BMP5: variants seen among roughly 807,000 people sequenced by gnomAD.
BMP5 encodes the protein bone morphogenetic protein 5.
A neutral mutation model predicts 46.6 loss-of-function variants in BMP5; 23 were observed. That is an observed-to-expected ratio of 0.49 (90% confidence interval 0.35 to 0.70). The LOEUF is 0.70. BMP5 is among the 30% of genes least tolerant of loss of function. The pLI, the probability that BMP5 is intolerant of heterozygous loss-of-function variation, is 0.00. For missense variants in BMP5, 545 were observed against 565.6 expected (o/e 0.96, Z 0.37); for synonymous variants, 204 against 191.9 (o/e 1.06, Z -0.52).
intron 2 of BMP5, among the ~76,000 whole-genome samples, chr6:55,811,014 C>T (rs1776122883): frequency 1.3e-5 from 2 of 152,142 alleles, no homozygotes; most frequent in African/African-American, 4.8e-5. Flanking sequence ...GAGCATGATC[C>T]CCACACACTG....
chr6:55,808,505 T>A (rs1776045666), intron 2 of BMP5, among the ~76,000 whole-genome samples: 1 of 152,168 alleles, frequency 6.6e-6, no homozygotes, highest in African/African-American at 2.4e-5. Context: ...TGGTCACTCC[T>A]CCCTCTGTGA....
In BMP5 at chr6:55,796,516, A is replaced by G. The variant is rs1016943473; in HGVS notation, c.684-2089T>C. Among the ~76,000 whole-genome samples the G allele has an allele frequency of 4.7e-5, 7 of 149,530 alleles. No homozygotes were observed. In the East Asian group the frequency reaches 1.4e-3, roughly 29 times the overall value. ...ATTTTTTTTCTTTTTTTTTATTATT[A>G]TACTTTAAGTTTTAGGGTCCATGTG... On this transcript the variant is annotated intron_variant, in intron 2 of 6. Transcript: ENST00000370830.
intron 2 of BMP5, among the ~76,000 whole-genome samples, chr6:55,802,606 T>A (rs1255563778): frequency 6.6e-6 from 1 of 152,056 alleles, no homozygotes; most frequent in Non-Finnish European, 1.5e-5. Context: ...GATAGCATAG[T>A]AAAAGAAGGA....
chr6:55,814,608 T>G (rs1221240444), intron 2 of BMP5, among the ~76,000 whole-genome samples: 2 of 152,210 alleles, frequency 1.3e-5, no homozygotes, highest in Non-Finnish European at 2.9e-5. Flanking sequence ...ACCTGAAATA[T>G]TCTATAAGAC....
intron 6 of BMP5, among the ~76,000 whole-genome samples, chr6:55,757,395 G>C (rs529136657): frequency 9.9e-5 from 15 of 151,966 alleles, no homozygotes; most frequent in South Asian, 2.1e-4. Flanking sequence ...CAGAAAGACA[G>C]TGATCATGAA....
intron 3 of BMP5, among the ~76,000 whole-genome samples, chr6:55,775,330 G>C (rs1775150532): frequency 6.6e-6 from 1 of 151,642 alleles, no homozygotes; most frequent in African/African-American, 2.4e-5. Context: ...CCTACAGTTA[G>C]GTATTAATAG....
chr6:55,781,941 T>A (rs375503787), intron 3 of BMP5, among the ~76,000 whole-genome samples: 53 of 152,124 alleles, frequency 3.5e-4, no homozygotes, highest in African/African-American at 1.3e-3. Context: ...CAAATGATCA[T>A]AGGCTACTTC....
chr6:55,858,555 G>A (rs769154867), intron 1 of BMP5, among the ~76,000 whole-genome samples: 1 of 152,086 alleles, frequency 6.6e-6, no homozygotes, highest in African/African-American at 2.4e-5. Flanking sequence ...AGATTATCAA[G>A]AATGGAAATA....
chr6:55,866,945 A>G (rs551807859), intron 1 of BMP5, among the ~76,000 whole-genome samples: 1 of 152,224 alleles, frequency 6.6e-6, no homozygotes, highest in East Asian at 1.9e-4. Flanking sequence ...ATTAACATAT[A>G]TATCAGTAAC....
chr6:55,850,390 A>G (rs113199422), intron 1 of BMP5, among the ~76,000 whole-genome samples: 29 of 141,326 alleles, frequency 2.1e-4, no homozygotes, highest in African/African-American at 7.7e-4. Context: ...AGATAGATAG[A>G]TAGATCGATA....
chr6:55,774,293 A>C (rs1164184623), intron 3 of BMP5, 50 bp from the exon 4 acceptor site: 1 of 1,540,900 alleles, frequency 6.5e-7, no homozygotes, highest in Non-Finnish European at 9.0e-7. Flanking sequence ...AAGAACAATT[A>C]CCTGATGTGA....
At chr6:55,795,194 A>G (rs1775677977) in intron 2 of BMP5, among the ~76,000 whole-genome samples, 1 of 152,102 alleles carries the variant, frequency 6.6e-6, no homozygotes, top group African/African-American at 2.4e-5. Context: ...ATTATAATGA[A>G]TAATTTATTA....
chr6:55,855,354 C>A (rs1211391979), intron 1 of BMP5, among the ~76,000 whole-genome samples: 1 of 151,194 alleles, frequency 6.6e-6, no homozygotes, highest in Non-Finnish European at 1.5e-5. Context: ...CACTGCATTC[C>A]AGCCTAGGTG....
intron 1 of BMP5, among the ~76,000 whole-genome samples, chr6:55,833,737 T>C (rs1205842764): frequency 6.6e-6 from 1 of 152,220 alleles, no homozygotes; most frequent in Admixed American, 6.5e-5. Flanking sequence ...TCGTTAACTA[T>C]GTTAATAGTG....
intron 1 of BMP5, among the ~76,000 whole-genome samples, chr6:55,852,575 A>T (rs1444038678): frequency 2.0e-5 from 3 of 152,102 alleles, no homozygotes; most frequent in African/African-American, 7.2e-5. Context: ...CTCTTTACAT[A>T]GAAGAAATCC....
At chr6:55,852,653 A>T (rs1337053552) in intron 1 of BMP5, among the ~76,000 whole-genome samples, 2 of 152,008 alleles carry the variant, frequency 1.3e-5, no homozygotes, top group Non-Finnish European at 2.9e-5. Flanking sequence ...GTATGTTTTC[A>T]GTTGATTCCT....
At chr6:55,849,711 A>G (rs2127548916) in intron 1 of BMP5, among the ~76,000 whole-genome samples, 1 of 152,152 alleles carries the variant, frequency 6.6e-6, no homozygotes, top group South Asian at 2.1e-4. Flanking sequence ...CTTTTAAAAG[A>G]TTTCCTTCAA....
intron 2 of BMP5, among the ~76,000 whole-genome samples, chr6:55,802,996 T>TATGA (rs1775886449): frequency 6.6e-6 from 1 of 151,898 alleles, no homozygotes; most frequent in Non-Finnish European, 1.5e-5. Flanking sequence ...TTTTATAAGT[T>TATGA]ATGAATGGTG....
At chr6:55,837,155 C>T (rs1016241673) in intron 1 of BMP5, among the ~76,000 whole-genome samples, 7 of 151,822 alleles carry the variant, frequency 4.6e-5, no homozygotes, top group Admixed American at 2.0e-4. Context: ...GGGCTCAAGC[C>T]ATCCTTCCCA....
Sources: gnomAD v4.1 joint callset for allele counts (sites outside exome capture counted in the v4.1 genomes callset) on GRCh38, gnomAD v4.1.1 for gene constraint, MANE v1.5 for transcripts, NCBI Gene and HGNC (gene_info 2026-07-23, HGNC 2026-07-21) for gene names.